AGMO: variants seen among roughly 807,000 people sequenced by gnomAD.
AGMO encodes glyceryl-ether monooxygenase.
Under a neutral mutation model 60.2 loss-of-function variants are expected in AGMO, and 75 were observed. The observed-to-expected ratio is 1.25, with a 90% CI of 1.03 to 1.51. AGMO has a LOEUF of 1.51. Among genes scored for constraint, AGMO ranks in the 40% most tolerant of loss-of-function variants. The pLI is 0.00. For missense variants in AGMO, 763 were observed against 525.5 expected (o/e 1.45, Z -4.42); for synonymous variants, 261 against 177.1 (o/e 1.47, Z -3.76).
chr7:15,272,163 A>G (rs887810479), intron 12 of AGMO, among the ~76,000 whole-genome samples: 24 of 151,678 alleles, frequency 1.6e-4, no homozygotes, highest in African/African-American at 5.6e-4. Flanking sequence ...TTTAAGTTCT[A>G]GGGTAAATGT....
intron 10 of AGMO, among the ~76,000 whole-genome samples, chr7:15,374,417 G>T (rs560166756): frequency 6.6e-6 from 1 of 152,078 alleles, no homozygotes; most frequent in Admixed American, 6.6e-5. Context: ...AATTGACATG[G>T]AGTTCATCAG....
At chr7:15,322,180 T>C (rs1781126147) in intron 12 of AGMO, among the ~76,000 whole-genome samples, 1 of 150,784 alleles carries the variant, frequency 6.6e-6, no homozygotes. Flanking sequence ...TGAAAAAGAA[T>C]CTAATTACTA....
At chr7:15,416,489 A>T (rs182982480) in intron 5 of AGMO, among the ~76,000 whole-genome samples, 72 of 152,200 alleles carry the variant, frequency 4.7e-4, no homozygotes, top group Non-Finnish European at 7.4e-4. Flanking sequence ...GATTGATTTT[A>T]GGAGAACTGA....
intron 12 of AGMO, among the ~76,000 whole-genome samples, chr7:15,259,022 C>A (rs1237996869): frequency 6.6e-6 from 1 of 152,062 alleles, no homozygotes; most frequent in African/African-American, 2.4e-5. Context: ...CCCAAAAGAT[C>A]ATCTCAGCTC....
intron 3 of AGMO, among the ~76,000 whole-genome samples, chr7:15,512,654 T>G (rs1287372996): frequency 6.6e-6 from 1 of 152,230 alleles, no homozygotes; most frequent in Non-Finnish European, 1.5e-5. Context: ...ATATTGTCAC[T>G]TAGTAAATTG....
intron 3 of AGMO, among the ~76,000 whole-genome samples, chr7:15,486,729 A>G (rs1421243647): frequency 1.3e-5 from 2 of 152,072 alleles, no homozygotes; most frequent in African/African-American, 4.8e-5. Context: ...CTAAGAATAT[A>G]CTTTTTAATT....
intron 12 of AGMO, among the ~76,000 whole-genome samples, chr7:15,274,287 G>A (rs146972510): frequency 0.022 from 3,363 of 152,174 alleles, 124 homozygotes; most frequent in African/African-American, 0.078. Context: ...ATTGAGATAT[G>A]TCTCATCAAT....
intron 10 of AGMO, among the ~76,000 whole-genome samples, chr7:15,374,556 TGATAA>T (rs1783368688): frequency 6.6e-6 from 1 of 152,122 alleles, no homozygotes; most frequent in South Asian, 2.1e-4. Context: ...AATGTGTACC[TGATAA>T]GATAGAGAAC....
chr7:15,546,096 T>C (rs1294031135), intron 2 of AGMO, among the ~76,000 whole-genome samples: 1 of 152,144 alleles, frequency 6.6e-6, no homozygotes, highest in Non-Finnish European at 1.5e-5. Context: ...CTTTTAAAGA[T>C]CCAGCCCTTT....
At chr7:15,252,783 A>G (rs1782977229) in intron 12 of AGMO, among the ~76,000 whole-genome samples, 1 of 152,122 alleles carries the variant, frequency 6.6e-6, no homozygotes, top group Non-Finnish European at 1.5e-5. Flanking sequence ...GCTGTGTAAC[A>G]CTCCACACTT....
At position 15,480,531 on chromosome 7, in the gene AGMO, T is replaced by A. The variant is rs148079116; in HGVS notation, c.410-49423A>T. Among the ~76,000 whole-genome samples, 27 of 152,232 alleles carry A rather than the reference T, an allele frequency of 1.8e-4. No individual in the cohort carries two copies. The East Asian group carries it at 5.0e-3, about 28-fold the overall frequency. On this transcript the variant is annotated intron_variant, in intron 3 of 12. Coordinates refer to ENST00000342526, the MANE Select transcript of AGMO (RefSeq NM_001004320.2). Reference sequence around the variant, plus strand: ...TAAGTTATAATTAAACAGCAGGATGTCATATTTAGGGTGAGGGTTTTGTAA... The same window carrying A: ...TAAGTTATAATTAAACAGCAGGATGACATATTTAGGGTGAGGGTTTTGTAA...
intron 3 of AGMO, among the ~76,000 whole-genome samples, chr7:15,482,229 T>G (rs1163221081): frequency 1.3e-5 from 2 of 151,904 alleles, no homozygotes; most frequent in Non-Finnish European, 2.9e-5. Flanking sequence ...AAGATGGTTT[T>G]CTGAAAGGTT....
At chr7:15,398,269 C>G (rs1055628367) in intron 5 of AGMO, among the ~76,000 whole-genome samples, 3 of 152,124 alleles carry the variant, frequency 2.0e-5, no homozygotes, top group Non-Finnish European at 4.4e-5. Flanking sequence ...TGGCTGAGTG[C>G]ACTATTTTTT....
intron 12 of AGMO, among the ~76,000 whole-genome samples, chr7:15,218,081 G>A (rs149917175): frequency 1.2e-4 from 18 of 152,020 alleles, no homozygotes; most frequent in Non-Finnish European, 2.2e-4. Flanking sequence ...TAAGAAAAAA[G>A]ACGTATAAAC....
intron 12 of AGMO, among the ~76,000 whole-genome samples, chr7:15,301,839 T>C (rs1461294343): frequency 6.6e-6 from 1 of 152,078 alleles, no homozygotes; most frequent in Non-Finnish European, 1.5e-5. Context: ...GCTGAATAAT[T>C]TTTTATTATA....
chr7:15,513,354 G>T, intron 3 of AGMO, among the ~76,000 whole-genome samples: 1 of 152,148 alleles, frequency 6.6e-6, no homozygotes, highest in East Asian at 1.9e-4. Flanking sequence ...TTATCTGTTC[G>T]GGCTGGTGTT....
rs1046580122 is a variant in AGMO, at chr7:15,280,621, T to C, written c.1264-79262A>G. ...GGGTAAAAGGCAAGCACACATCCCA[T>C]TGCTACTACTGCAGCTGGTGCCCTT... On this transcript the variant is annotated intron_variant, in intron 12 of 12. Transcript: ENST00000342526. Among the ~76,000 whole-genome samples the C allele has an allele frequency of 3.9e-5, 6 of 152,162 alleles. No individual in the cohort carries two copies. The South Asian group carries it at 8.3e-4, about 21-fold the overall frequency.
chr7:15,446,960 A>C (rs1264499856), intron 3 of AGMO, among the ~76,000 whole-genome samples: 1 of 152,144 alleles, frequency 6.6e-6, no homozygotes, highest in Admixed American at 6.5e-5. Context: ...GAAGTTCTTT[A>C]ATGGCAATAA....
At chr7:15,277,256 G>C (rs941314406) in intron 12 of AGMO, among the ~76,000 whole-genome samples, 2 of 151,826 alleles carry the variant, frequency 1.3e-5, no homozygotes, top group Non-Finnish European at 2.9e-5. Context: ...AGTGAGTACA[G>C]ATCATGCCAT....
Sources: gnomAD v4.1 joint callset for allele counts (sites outside exome capture counted in the v4.1 genomes callset) on GRCh38, gnomAD v4.1.1 for gene constraint, MANE v1.5 for transcripts, NCBI Gene and HGNC (gene_info 2026-07-23, HGNC 2026-07-21) for gene names.